The following EXOC4 variants were observed in gnomAD, a reference collection of about 807,000 sequenced individuals.
EXOC4 encodes the protein SEC8-like 1.
EXOC4 carries 71 observed loss-of-function variants against 107.2 expected under a neutral mutation model. The observed-to-expected ratio is 0.66, with a 90% CI of 0.55 to 0.81. The LOEUF (loss-of-function observed/expected upper bound fraction) is 0.81, where lower values mean the gene tolerates loss of function less well. EXOC4 is among the 30% of genes least tolerant of loss of function. The pLI, the probability that EXOC4 is intolerant of heterozygous loss-of-function variation, is 0.00. For missense variants in EXOC4, 1,108 were observed against 1,189.6 expected (o/e 0.93, Z 1.01); for synonymous variants, 456 against 441.2 (o/e 1.03, Z -0.42).
intron 4 of EXOC4, among the ~76,000 whole-genome samples, chr7:133,308,962 C>T (rs1456322757): frequency 6.6e-6 from 1 of 152,078 alleles, no homozygotes; most frequent in African/African-American, 2.4e-5. Context: ...CTTCATTTTG[C>T]AAGCTGTTGA....
intron 17 of EXOC4, 56 bp from the exon 18 acceptor site, chr7:134,064,235 C>G (rs917193013): frequency 6.5e-6 from 8 of 1,233,390 alleles, no homozygotes; most frequent in Non-Finnish European, 8.8e-6. Flanking sequence ...TTTGTCCCCT[C>G]GAGACGACGT....
chr7:133,279,734 G>T (rs556751921), intron 2 of EXOC4, among the ~76,000 whole-genome samples: 2 of 152,214 alleles, frequency 1.3e-5, no homozygotes, highest in Non-Finnish European at 2.9e-5. Context: ...ACCCAGGATG[G>T]TCTCAAACTC....
chr7:133,731,268 A>G (rs1795319985), intron 10 of EXOC4, among the ~76,000 whole-genome samples: 1 of 152,198 alleles, frequency 6.6e-6, no homozygotes, highest in Admixed American at 6.5e-5. Context: ...TTAAACAACC[A>G]TGAACACCAT....
At chr7:133,973,776 C>A (rs189605307) in intron 14 of EXOC4, among the ~76,000 whole-genome samples, 1 of 152,276 alleles carries the variant, frequency 6.6e-6, no homozygotes, top group East Asian at 1.9e-4. Context: ...TTGTCTTAGT[C>A]TGTTTTGTGC....
chr7:133,911,057 T>C (rs1022759732), intron 12 of EXOC4, among the ~76,000 whole-genome samples: 1 of 152,152 alleles, frequency 6.6e-6, no homozygotes, highest in Admixed American at 6.5e-5. Context: ...AGGGTGGACC[T>C]TTCTCTTGGC....
intron 4 of EXOC4, among the ~76,000 whole-genome samples, chr7:133,311,869 A>C (rs1464062305): frequency 2.0e-5 from 3 of 152,218 alleles, no homozygotes; most frequent in Non-Finnish European, 4.4e-5. Flanking sequence ...GTAGTCAGAG[A>C]AATACACATT....
chr7:133,825,372 A>C (rs1797677530), intron 11 of EXOC4, among the ~76,000 whole-genome samples: 2 of 152,040 alleles, frequency 1.3e-5, no homozygotes, highest in Admixed American at 6.6e-5. Context: ...CTCTAAAAAT[A>C]AATAAATAAA....
intron 14 of EXOC4, among the ~76,000 whole-genome samples, chr7:133,943,424 A>G (rs1044781071): frequency 9.2e-5 from 14 of 152,236 alleles, no homozygotes; most frequent in African/African-American, 3.4e-4. Context: ...CTTGGAAAAT[A>G]TTAAAGCACA....
chr7:133,701,997 CTTTTTTTT>C lies in EXOC4; in HGVS notation c.1514+71870_1514+71877del, dbSNP rs71162021. 2.3e-4 allele frequency among the ~76,000 whole-genome samples: 15 copies of C among 66,614 alleles called. No individual in the cohort carries two copies. In the East Asian group the frequency reaches 5.9e-3, roughly 26 times the overall value. The allele number at this position is 66,614 out of a possible 152,430, so 43.7% of individuals were successfully genotyped here. A position where few individuals can be genotyped will look rare whatever the true frequency, so the allele number is the denominator to read the frequency against. ...TCTTTTTCCTTTTCTTTCTTTCTTT[CTTTTTTTT>C]TTTTTTTTTTTTTGAGACAGTATCT... On this transcript the variant is annotated intron_variant, in intron 10 of 17. Coordinates refer to ENST00000253861, the MANE Select transcript of EXOC4 (RefSeq NM_021807.4).
At chr7:133,986,001 G>A (rs1364734825) in intron 14 of EXOC4, among the ~76,000 whole-genome samples, 1 of 152,206 alleles carries the variant, frequency 6.6e-6, no homozygotes, top group East Asian at 1.9e-4. Context: ...GGGAATGATT[G>A]CTCCGTTATT....
intron 7 of EXOC4, among the ~76,000 whole-genome samples, chr7:133,392,683 A>G (rs974341038): frequency 2.0e-5 from 3 of 152,186 alleles, no homozygotes; most frequent in African/African-American, 7.2e-5. Flanking sequence ...GGAAAGGGCT[A>G]CTGGAGAAGA....
intron 2 of EXOC4, among the ~76,000 whole-genome samples, chr7:133,281,756 C>T (rs973730891): frequency 3.4e-5 from 5 of 148,522 alleles, no homozygotes; most frequent in Admixed American, 2.7e-4. Context: ...AGCTGGAGGG[C>T]AATGATATGA....
chr7:133,633,307 T>G (rs1425278367), intron 10 of EXOC4, among the ~76,000 whole-genome samples: 1 of 152,208 alleles, frequency 6.6e-6, no homozygotes, highest in Non-Finnish European at 1.5e-5. Flanking sequence ...CCTAATGCTC[T>G]TGAATGTGTT....
intron 4 of EXOC4, 86 bp downstream of exon 4, chr7:133,306,147 T>G: frequency 8.5e-7 from 1 of 1,172,932 alleles, no homozygotes; most frequent in Non-Finnish European, 1.2e-6. Flanking sequence ...TTGTTGTAAT[T>G]TATTTTACTT....
At chr7:133,460,787 G>T (rs1168306413) in intron 7 of EXOC4, among the ~76,000 whole-genome samples, 1 of 152,046 alleles carries the variant, frequency 6.6e-6, no homozygotes, top group Non-Finnish European at 1.5e-5. Flanking sequence ...TCAAGAAATT[G>T]GTGATATTAA....
intron 10 of EXOC4, among the ~76,000 whole-genome samples, chr7:133,657,968 C>T (rs925188112): frequency 3.3e-5 from 5 of 152,026 alleles, no homozygotes; most frequent in South Asian, 2.1e-4. Flanking sequence ...CAGGTTAGTG[C>T]GGGATATAGG....
At chr7:133,727,590 C>T in intron 10 of EXOC4, 1 of 160,416 alleles carries the variant, frequency 6.2e-6, no homozygotes, top group East Asian at 1.8e-4. Flanking sequence ...TTCAGTGCAG[C>T]CATCATAACC....
At chr7:133,533,832 A>T (rs2150924040) in intron 9 of EXOC4, among the ~76,000 whole-genome samples, 1 of 152,244 alleles carries the variant, frequency 6.6e-6, no homozygotes. Flanking sequence ...GCTTAACAGG[A>T]GTACAGTTTG....
chr7:134,045,628 A>G (rs1795632510), intron 17 of EXOC4, among the ~76,000 whole-genome samples: 1 of 152,354 alleles, frequency 6.6e-6, no homozygotes, highest in African/African-American at 2.4e-5. Flanking sequence ...GATATAATTT[A>G]CATACCATAA....
Sources: allele counts gnomAD v4.1 joint callset (sites outside exome capture counted in the v4.1 genomes callset), GRCh38; gene constraint gnomAD v4.1.1; transcripts MANE v1.5; gene names NCBI Gene and HGNC (gene_info 2026-07-23, HGNC 2026-07-21).